Variants in NEO1 observed in about 807,000 individuals in gnomAD.
The protein encoded by NEO1 is neogenin.
NEO1 carries 63 observed loss-of-function variants against 159.7 expected under a neutral mutation model. The ratio of observed to expected loss-of-function variants is 0.39; its 90% CI spans 0.32 to 0.49. NEO1 has a LOEUF of 0.49. NEO1 is among the 20% of genes least tolerant of loss of function. The probability of loss-of-function intolerance (pLI) is 0.85; values close to 1 mark genes in which losing one functional copy is unlikely to be tolerated. For synonymous variants in NEO1, 633 were observed against 662.0 expected (o/e 0.96, Z 0.67); for missense variants, 1,615 against 1,831.0 (o/e 0.88, Z 2.15).
intron 7 of NEO1, among the ~76,000 whole-genome samples, chr15:73,179,023 T>C (rs952214663): frequency 3.3e-5 from 5 of 152,160 alleles, no homozygotes; most frequent in Admixed American, 1.3e-4. Flanking sequence ...CAGAATACAA[T>C]TAATTTACCT....
At chr15:73,066,983 T>C (rs1426834045) in intron 1 of NEO1, among the ~76,000 whole-genome samples, 1 of 152,246 alleles carries the variant, frequency 6.6e-6, no homozygotes, top group Non-Finnish European at 1.5e-5. Context: ...CTAGTTTCTT[T>C]AGTTATTCTC....
Position 73,256,019 on chromosome 15 carries a change from G to A in NEO1, c.2092+1190G>A, listed in dbSNP as rs565586934. ...GTTGGTAGATAAGAACTATAAGAAT[G>A]TGAGATATTGTCATTATTTTCTAAG... is the stretch of plus-strand genomic sequence containing the variant. On this transcript the variant is annotated intron_variant, in intron 13 of 28. Transcript: ENST00000261908. 3.9e-5 allele frequency: 6 copies of A among 152,292 alleles called. No homozygotes were observed. The East Asian group carries it at 9.6e-4, about 24-fold the overall frequency. 9.4% of individuals were successfully genotyped at this position (152,292 alleles called of 1,614,324 possible).
intron 7 of NEO1, among the ~76,000 whole-genome samples, chr15:73,213,292 G>A (rs56157337): frequency 0.44 from 66,356 of 151,676 alleles, 15,582 homozygotes; most frequent in Admixed American, 0.53. Flanking sequence ...TCATTTTTCC[G>A]TAAGTTATTA....
chr15:73,228,588 G>GT (rs963096663), intron 7 of NEO1, among the ~76,000 whole-genome samples: 15 of 150,218 alleles, frequency 1.0e-4, no homozygotes, highest in South Asian at 4.2e-4. Context: ...TTTTTTCTGG[G>GT]TTTTTTTTAG....
At chr15:73,135,863 C>G (rs1228977252) in intron 4 of NEO1, 28 bp from the exon 5 acceptor site, 4 of 1,293,516 alleles carry the variant, frequency 3.1e-6, no homozygotes, top group Non-Finnish European at 4.0e-6. Flanking sequence ...TGAAATGTAT[C>G]TTTTTTTTTT....
chr15:73,167,275 TAAAA>T (rs57353803), intron 5 of NEO1, among the ~76,000 whole-genome samples: 1 of 144,638 alleles, frequency 6.9e-6, no homozygotes, highest in African/African-American at 2.6e-5. Context: ...AAGGTATAAT[TAAAA>T]AAAAAAAAAA....
In NEO1 at chr15:73,214,809, G is replaced by A. The variant is rs141257203; in HGVS notation, c.1292-21538G>A. 3.6e-4 allele frequency among the ~76,000 whole-genome samples: 55 copies of A among 152,102 alleles called. No homozygotes were observed. In the East Asian group the frequency reaches 8.1e-3, roughly 22 times the overall value. On this transcript the variant is annotated intron_variant, in intron 7 of 28. Coordinates refer to ENST00000261908, the MANE Select transcript of NEO1 (RefSeq NM_002499.4). ...TTTTAGAATTGTTTTTTCTAATTTCGTAAAGAATGATGGTGGCATTTTGAA... is the reference window on the plus strand; with the variant it reads ...TTTTAGAATTGTTTTTTCTAATTTCATAAAGAATGATGGTGGCATTTTGAA...
intron 5 of NEO1, among the ~76,000 whole-genome samples, chr15:73,167,584 A>G (rs72741424): frequency 0.021 from 3,231 of 152,326 alleles, 74 homozygotes; most frequent in Non-Finnish European, 0.03. Flanking sequence ...TCACAGCTGC[A>G]TTATTCACAA....
At position 73,274,715 on chromosome 15, in the gene NEO1, AATG is replaced by A; in HGVS notation, c.3187_3189del (p.Asp1063del). The A allele has an allele frequency of 6.2e-7, 1 of 1,613,514 alleles. No homozygotes were observed. The highest frequency in any genetic ancestry group is 8.5e-7 in the Non-Finnish European group (1 of 1,179,820). ...AGCGGACTCCTCTGATAAAATGCCTAATGATCAAGGTAAATGAGTAGATGGCCT... is the reference window on the plus strand; with the variant it reads ...AGCGGACTCCTCTGATAAAATGCCTAATCAAGGTAAATGAGTAGATGGCCT... On this transcript the variant is annotated inframe_deletion, in exon 21 of 29. Transcript: ENST00000261908.
intron 5 of NEO1, among the ~76,000 whole-genome samples, chr15:73,150,676 C>T (rs1285691716): frequency 2.6e-5 from 4 of 151,402 alleles, no homozygotes; most frequent in African/African-American, 9.7e-5. Flanking sequence ...ATGCACAAAT[C>T]TTAGATGTGC....
chr15:73,220,328 T>C (rs2150749339), intron 7 of NEO1, among the ~76,000 whole-genome samples: 1 of 152,348 alleles, frequency 6.6e-6, no homozygotes, highest in South Asian at 2.1e-4. Flanking sequence ...CTTTTATGGG[T>C]AACCTGACCT....
intron 1 of NEO1, among the ~76,000 whole-genome samples, chr15:73,076,512 T>C (rs2068773207): frequency 6.6e-6 from 1 of 152,132 alleles, no homozygotes; most frequent in Non-Finnish European, 1.5e-5. Flanking sequence ...TTTCAGTAAG[T>C]ATTGGTTGTA....
At chr15:73,079,921 A>G (rs944328758) in intron 1 of NEO1, among the ~76,000 whole-genome samples, 2 of 152,240 alleles carry the variant, frequency 1.3e-5, no homozygotes, top group Non-Finnish European at 2.9e-5. Context: ...ACCTTGGTCA[A>G]TAGAATGATG....
chr15:73,124,842 C>T (rs1423229453), intron 3 of NEO1, among the ~76,000 whole-genome samples: 1 of 151,970 alleles, frequency 6.6e-6, no homozygotes, highest in African/African-American at 2.4e-5. Context: ...TGTCTGCTGC[C>T]AAAAACACTT....
intron 1 of NEO1, among the ~76,000 whole-genome samples, chr15:73,068,956 CTTTT>C (rs35031912): frequency 3.7e-5 from 5 of 135,980 alleles, no homozygotes; most frequent in Admixed American, 1.5e-4. Flanking sequence ...TAGAGTGGGG[CTTTT>C]TTTTTTTTTT....
intron 5 of NEO1, among the ~76,000 whole-genome samples, chr15:73,160,453 T>A (rs920548381): frequency 6.6e-6 from 1 of 152,186 alleles, no homozygotes; most frequent in Non-Finnish European, 1.5e-5. Flanking sequence ...TGTAGAGATA[T>A]GGCACTGGAG....
intron 25 of NEO1, among the ~76,000 whole-genome samples, chr15:73,290,063 C>A (rs190494183): frequency 2.0e-5 from 3 of 151,970 alleles, no homozygotes; most frequent in Admixed American, 2.0e-4. Context: ...TTGAACCCAG[C>A]GTTTAAGGTT....
chr15:73,116,338 T>A (rs572637137), intron 1 of NEO1, among the ~76,000 whole-genome samples: 22 of 152,188 alleles, frequency 1.4e-4, no homozygotes, highest in Non-Finnish European at 3.1e-4. Context: ...TTTCCCCTAA[T>A]GTTCTTCTAA....
At chr15:73,164,634 A>C (rs546699085) in intron 5 of NEO1, among the ~76,000 whole-genome samples, 1 of 152,358 alleles carries the variant, frequency 6.6e-6, no homozygotes, top group East Asian at 1.9e-4. Flanking sequence ...ATTTACCAAA[A>C]TGTAAAATAC....
Sources: allele counts gnomAD v4.1 joint callset (sites outside exome capture counted in the v4.1 genomes callset), GRCh38; gene constraint gnomAD v4.1.1; transcripts MANE v1.5; gene names NCBI Gene and HGNC (gene_info 2026-07-23, HGNC 2026-07-21).